The following TANC2 variants were observed in gnomAD, a reference collection of about 807,000 sequenced individuals.
TANC2 encodes protein TANC2.
Under a neutral mutation model 210.5 loss-of-function variants are expected in TANC2, and 26 were observed. That is an observed-to-expected ratio of 0.12 (90% CI 0.09 to 0.17). The LOEUF (loss-of-function observed/expected upper bound fraction) is 0.17. TANC2 is among the 10% of genes least tolerant of loss of function. The pLI is 1.00. For missense variants in TANC2, 2,129 were observed against 2,608.9 expected (o/e 0.82, Z 4.01); for synonymous variants, 931 against 967.1 (o/e 0.96, Z 0.69).
At chr17:63,198,148 G>A (rs1337357816) in intron 6 of TANC2, among the ~76,000 whole-genome samples, 1 of 151,782 alleles carries the variant, frequency 6.6e-6, no homozygotes, top group Non-Finnish European at 1.5e-5. Flanking sequence ...ACAGAAATGA[G>A]TTGTTATAAA....
chr17:63,214,424 A>G (rs2041971703), intron 7 of TANC2, among the ~76,000 whole-genome samples: 1 of 152,248 alleles, frequency 6.6e-6, no homozygotes, highest in African/African-American at 2.4e-5. Context: ...AACAACTGGC[A>G]GGTGACTATA....
intron 4 of TANC2, among the ~76,000 whole-genome samples, chr17:63,110,168 A>G (rs17745114): frequency 0.03 from 4,550 of 151,658 alleles, 154 homozygotes; most frequent in African/African-American, 0.038. Flanking sequence ...CCACATTTTG[A>G]CATCCTTTAG....
chr17:62,985,663 G>C (rs2032531499), intron 1 of TANC2, among the ~76,000 whole-genome samples: 1 of 151,650 alleles, frequency 6.6e-6, no homozygotes, highest in Non-Finnish European at 1.5e-5. Context: ...GCTCTCAATT[G>C]GATTTTTTAT....
chr17:63,376,350 G>A (rs987620690), intron 14 of TANC2, among the ~76,000 whole-genome samples: 3 of 152,066 alleles, frequency 2.0e-5, no homozygotes, highest in Non-Finnish European at 4.4e-5. Context: ...GAGGGACCTG[G>A]TGGGAGGTAA....
At chr17:63,236,937 AGT>A (rs1348755581) in intron 7 of TANC2, among the ~76,000 whole-genome samples, 1 of 152,192 alleles carries the variant, frequency 6.6e-6, no homozygotes. Context: ...TATTGTAAAT[AGT>A]GCTGTGGTAA....
chr17:63,220,735 T>C lies in TANC2; in HGVS notation c.770-17079T>C, dbSNP rs1341061483. 4.2e-5 allele frequency among the ~76,000 whole-genome samples: 6 copies of C among 144,494 alleles called. 1 individual carries two copies. Among genetic ancestry groups the C allele is most frequent in the Non-Finnish European group, 7.5e-5 (5 of 66,678 alleles). 94.8% of individuals were successfully genotyped at this position (144,494 alleles called of 152,430 possible). On this transcript the variant is annotated intron_variant, in intron 7 of 27. Coordinates refer to ENST00000689528, the Ensembl canonical transcript of TANC2. ...AAAAAAAAAAATATATATATATATA[T>C]ATGTATATATATATGTGTATATACG... is the stretch of plus-strand genomic sequence containing the variant.
chr17:63,103,124 A>G (rs542005306), intron 4 of TANC2, among the ~76,000 whole-genome samples: 1 of 148,700 alleles, frequency 6.7e-6, no homozygotes, highest in African/African-American at 2.6e-5. Context: ...CCTGATCTTT[A>G]AATAGTCATT....
chr17:63,221,369 G>T (rs2042184135), intron 7 of TANC2, among the ~76,000 whole-genome samples: 1 of 151,202 alleles, frequency 6.6e-6, no homozygotes, highest in Non-Finnish European at 1.5e-5. Flanking sequence ...CTTGAACCTG[G>T]GAGGCAGAGG....
chr17:63,262,351 T>C (rs907118696), intron 8 of TANC2, among the ~76,000 whole-genome samples: 10 of 152,120 alleles, frequency 6.6e-5, no homozygotes, highest in African/African-American at 2.4e-4. Context: ...ATCAGTTTTT[T>C]TGTTTGTTTG....
chr17:63,427,338 T>G (rs2049169191), exon 28 of TANC2: 1 of 152,284 alleles, frequency 6.6e-6, no homozygotes, highest in Non-Finnish European at 1.5e-5. Flanking sequence ...AAAGCTTTAA[T>G]GCACTTAGTT....
chr17:63,253,688 C>T (rs575502464), intron 8 of TANC2, among the ~76,000 whole-genome samples: 24 of 152,276 alleles, frequency 1.6e-4, no homozygotes, highest in Non-Finnish European at 2.8e-4. Flanking sequence ...TTATGGCTCA[C>T]TGCAGCTTTG....
intron 5 of TANC2, among the ~76,000 whole-genome samples, chr17:63,162,854 T>C (rs761052799): frequency 2.1e-4 from 32 of 151,842 alleles, no homozygotes; most frequent in Admixed American, 3.9e-4. Context: ...ATTAGGGAAA[T>C]GTAGTAGGAT....
Position 63,330,490 on chromosome 17 carries a change from A to G in TANC2, c.1576-9611A>G, listed in dbSNP as rs543719161. On this transcript the variant is annotated intron_variant, in intron 11 of 27. Coordinates refer to ENST00000689528, the Ensembl canonical transcript of TANC2. ...ATCATAATTTGCATGACAATAAACAATGGTTTCGTGGGTTCCAAATTCTTA... is the reference window on the plus strand; with the variant it reads ...ATCATAATTTGCATGACAATAAACAGTGGTTTCGTGGGTTCCAAATTCTTA... Among the ~76,000 whole-genome samples the G allele has an allele frequency of 2.3e-3, 348 of 152,322 alleles. 3 individuals carry two copies. Among genetic ancestry groups the G allele is most frequent in the Non-Finnish European group, 1.9e-3 (129 of 68,034 alleles).
chr17:63,157,800 A>G (rs2039888934), intron 5 of TANC2, among the ~76,000 whole-genome samples: 1 of 152,090 alleles, frequency 6.6e-6, no homozygotes, highest in Non-Finnish European at 1.5e-5. Context: ...CCCAGGCTGG[A>G]GTGCGGTGGC....
At chr17:63,335,777 A>G (rs928759358) in intron 11 of TANC2, among the ~76,000 whole-genome samples, 1 of 152,148 alleles carries the variant, frequency 6.6e-6, no homozygotes, top group Non-Finnish European at 1.5e-5. Flanking sequence ...AATAATGTCT[A>G]TAGGTAATAG....
At chr17:63,413,496 T>G in intron 24 of TANC2, 47 bp from the exon 25 acceptor site, 1 of 1,491,164 alleles carries the variant, frequency 6.7e-7, no homozygotes, top group South Asian at 1.2e-5. Context: ...CCTACCACCC[T>G]TACATTGTAT....
intron 1 of TANC2, among the ~76,000 whole-genome samples, chr17:62,999,929 C>T (rs1416682053): frequency 1.3e-5 from 2 of 152,202 alleles, no homozygotes; most frequent in African/African-American, 4.8e-5. Flanking sequence ...ATGTCCTTTG[C>T]AGCAACATGG....
chr17:63,393,289 C>T (rs138778851), intron 17 of TANC2: 1 of 152,276 alleles, frequency 6.6e-6, no homozygotes, highest in East Asian at 1.9e-4. Flanking sequence ...AAAAATGCAG[C>T]ACTAGAAGTC....
At chr17:63,041,575 T>A (rs1459714580) in intron 2 of TANC2, among the ~76,000 whole-genome samples, 2 of 152,162 alleles carry the variant, frequency 1.3e-5, no homozygotes, top group Non-Finnish European at 2.9e-5. Context: ...TTTTTTCAGC[T>A]TCTCTTTTTA....
Sources: allele counts gnomAD v4.1 joint callset (sites outside exome capture counted in the v4.1 genomes callset), GRCh38; gene constraint gnomAD v4.1.1; transcripts MANE v1.5; gene names NCBI Gene and HGNC (gene_info 2026-07-23, HGNC 2026-07-21).